The following ARSD variants were observed in gnomAD, a reference collection of about 807,000 sequenced individuals.
The protein encoded by ARSD is arylsulfatase D, also known as testis tissue sperm-binding protein Li 39a.
Under a neutral mutation model 32.6 loss-of-function variants are expected in ARSD, and 21 were observed. The ratio of observed to expected loss-of-function variants is 0.64; its 90% CI spans 0.46 to 0.93. The LOEUF is 0.93. Ranked by LOEUF, ARSD falls within the 40% of genes least tolerant of loss-of-function variation. The pLI, the probability that ARSD is intolerant of heterozygous loss-of-function variation, is 0.00. For missense variants in ARSD, 454 were observed against 520.9 expected (o/e 0.87, Z 1.25); for synonymous variants, 224 against 237.4 (o/e 0.94, Z 0.52).
At position 2,920,727 on chromosome X, in the gene ARSD, T is replaced by G. The variant is rs753019239; in HGVS notation, c.317-4A>C. The stretch of plus-strand genomic sequence containing the variant: ...TATCCATTGCTGGCGTCCATGCCTG[T>G]GGGGCAGAGAAGACAGGAAGAATTT... On this transcript the variant is annotated splice_polypyrimidine_tract_variant and splice_region_variant and intron_variant, in intron 3 of 9. Transcript: ENST00000381154. The G allele has an allele frequency of 8.3e-7, 1 of 1,210,323 alleles. No individual in the cohort carries two copies. The highest frequency in any genetic ancestry group is 2.2e-5 in the Admixed American group (1 of 45,911).
Position 2,925,814 on chromosome X carries a change from G to C in ARSD, c.45-49C>G, listed in dbSNP as rs760166331. On this transcript the variant is annotated intron_variant, in intron 1 of 9. Coordinates refer to ENST00000381154, the MANE Select transcript of ARSD (RefSeq NM_001669.4). ...AAATGACTATCTACAATTTGGCAAG[G>C]GAAGTAGGCATTTCAAGGCAGCTCG... 13 of 1,172,575 alleles carry C rather than the reference G, an allele frequency of 1.1e-5. No homozygotes were observed. In the Admixed American group the frequency reaches 2.9e-4, roughly 26 times the overall value.
In ARSD at chrX:2,918,360, A is replaced by G. The variant is rs144671289; in HGVS notation, c.440-133T>C. 286 of 602,752 alleles carry G rather than the reference A, an allele frequency of 4.7e-4. 2 individuals carry two copies. In the East Asian group the frequency reaches 9.3e-3, roughly 20 times the overall value. The allele number at this position is 602,752 out of a possible 1,213,427, so 49.7% of individuals were successfully genotyped here. On this transcript the variant is annotated intron_variant, in intron 4 of 9. Transcript: ENST00000381154. ...GAGCAAAACTGGAAATGGAAAGGCA[A>G]TGAATGGATTGGATACCTGTGTTTA... is the stretch of plus-strand genomic sequence containing the variant.
intron 1 of ARSD, among the ~76,000 whole-genome samples, chrX:2,928,284 C>G (rs1193136974): frequency 1.5e-5 from 1 of 66,293 alleles, no homozygotes; most frequent in Admixed American, 2.3e-4. Context: ...GAGATGGGGA[C>G]GGGACAGAGA....
At chrX:2,921,283 AT>A (rs2089026103) in intron 3 of ARSD, among the ~76,000 whole-genome samples, 1 of 111,797 alleles carries the variant, frequency 8.9e-6, no homozygotes, top group Non-Finnish European at 1.9e-5. Context: ...CTATGTATCT[AT>A]TATCTGTCAT....
chrX:2,929,169 G>A (rs1225724935), intron 1 of ARSD, 63 bp downstream of exon 1: 9 of 975,194 alleles, frequency 9.2e-6, no homozygotes, highest in Non-Finnish European at 1.2e-5. Context: ...CCGTGCTCGC[G>A]ACCCCCTCCC....
rs1331480162 is a variant in ARSD, at chrX:2,905,740, A to G, written c.*1531T>C. ...ATGCGTCAAAAACCTCAGTCAACAC[A>G]GTAAGTGTTTTCTTGTTTTCCTGCT... On this transcript the variant is annotated 3_prime_UTR_variant, in exon 10 of 10. Coordinates refer to ENST00000381154, the MANE Select transcript of ARSD (RefSeq NM_001669.4). 8.9e-6 allele frequency: 1 copy of G among 112,912 alleles called. No homozygotes were observed. Among genetic ancestry groups the G allele is most frequent in the Non-Finnish European group, 1.9e-5 (1 of 53,342 alleles). 9.3% of individuals were successfully genotyped at this position (112,912 alleles called of 1,213,427 possible). A position where few individuals can be genotyped will look rare whatever the true frequency, so the allele number is the denominator to read the frequency against.
At chrX:2,907,964 C>A in intron 9 of ARSD, 1 of 841,803 alleles carries the variant, frequency 1.2e-6, no homozygotes, top group Non-Finnish European at 1.4e-6. Flanking sequence ...TGAAACTGTT[C>A]AGCGTCGATC....
In ARSD at chrX:2,905,333, C is replaced by G. The variant is rs2088844789; in HGVS notation, c.*1938G>C. The G allele has an allele frequency of 4.7e-6, 1 of 213,445 alleles. No individual in the cohort carries two copies. The highest frequency in any genetic ancestry group is 5.9e-5 in the South Asian group (1 of 16,918). 17.6% of individuals were successfully genotyped at this position (213,445 alleles called of 1,213,427 possible). On this transcript the variant is annotated 3_prime_UTR_variant, in exon 10 of 10. Coordinates refer to ENST00000381154, the MANE Select transcript of ARSD (RefSeq NM_001669.4). ...TTCCCAGTATGCTTCCTGCAAAGACCTCGATAGATGGACTGAGGGGAATAG... is the reference window on the plus strand; with the variant it reads ...TTCCCAGTATGCTTCCTGCAAAGACGTCGATAGATGGACTGAGGGGAATAG...
intron 6 of ARSD, chrX:2,914,218 T>A: frequency 8.0e-6 from 6 of 754,279 alleles, no homozygotes; most frequent in Non-Finnish European, 9.4e-6. Flanking sequence ...TTTCTCCCTA[T>A]TCTTCGTCTT....
In ARSD at chrX:2,907,275, G is replaced by T. The variant is rs1432673682; in HGVS notation, c.1778C>A (p.Pro593His). 8.3e-7 allele frequency: 1 copy of T among 1,204,447 alleles called. No homozygotes were observed. The highest frequency in any genetic ancestry group is 1.1e-6 in the Non-Finnish European group (1 of 890,966). Reference sequence around the variant, plus strand: ...CCTCTCTCACAGTCCTGGCATTCAGGGGGTGCCATCCCCATCCTCGTGGCA... The same window carrying T: ...CCTCTCTCACAGTCCTGGCATTCAGTGGGTGCCATCCCCATCCTCGTGGCA... ...CSCHEDGDGTP is the reference protein window; with the variant it reads ...CSCHEDGDGTH The change falls in exon 10 of 10, where the codon CCC becomes CAC. Residue 593 changes from proline to histidine, a missense_variant. By Grantham distance (77) the Pro-to-His change is moderately conservative. Transcript: ENST00000381154.
chrX:2,914,424 G>C (rs1273907896), intron 6 of ARSD: 84 of 501,965 alleles, frequency 1.7e-4, no homozygotes, highest in African/African-American at 1.1e-3. Context: ...GAGATGGGGG[G>C]GGGGGGCGTC....
rs1486507531 is a variant in ARSD at position 2,904,932 on chromosome X, G to A, written c.*2339C>T. ...TTTTTTTTTTTTTTAATCATTTTTT[G>A]GTTATGCCAGGTGTCTCCTGTGTGT... On this transcript the variant is annotated 3_prime_UTR_variant, in exon 10 of 10. Transcript: ENST00000381154. 4.5e-6 allele frequency: 1 copy of A among 221,457 alleles called. No individual in the cohort carries two copies. 18.3% of individuals were successfully genotyped at this position (221,457 alleles called of 1,213,427 possible). A position where few individuals can be genotyped will look rare whatever the true frequency, so the allele number is the denominator to read the frequency against.
rs777839228 is a variant in ARSD at position 2,925,099 on chromosome X, G to A, written c.194+517C>T. Among the ~76,000 whole-genome samples the A allele has an allele frequency of 7.1e-5, 8 of 112,507 alleles. No homozygotes were observed. The East Asian group carries it at 1.1e-3, about 16-fold the overall frequency. Reference sequence around the variant, plus strand: ...ACAAATTTGGAGGAGGCCAGAATTTGGCCCACAACAGACGTTGTTTGCAAA... The same window carrying A: ...ACAAATTTGGAGGAGGCCAGAATTTAGCCCACAACAGACGTTGTTTGCAAA... On this transcript the variant is annotated intron_variant, in intron 2 of 9. Transcript: ENST00000381154.
chrX:2,925,666 C>G lies in ARSD; in HGVS notation c.144G>C (p.Ala48=). Residue 48 remains alanine, a synonymous_variant, in exon 2 of 10, where the codon GCG becomes GCC. Coordinates refer to ENST00000381154, the MANE Select transcript of ARSD (RefSeq NM_001669.4). ...AFKPNILLIM[A]DDLGTGDLGC... ...CGAGATCCCCAGTGCCTAGATCATC[C>G]GCCATGATCAGTAGGATATTTGGTT... The G allele has an allele frequency of 8.3e-7, 1 of 1,209,625 alleles. No homozygotes were observed. The highest frequency in any genetic ancestry group is 1.1e-6 in the Non-Finnish European group (1 of 894,177).
At chrX:2,912,010 C>G (rs2088906568) in intron 6 of ARSD, among the ~76,000 whole-genome samples, 1 of 111,899 alleles carries the variant, frequency 8.9e-6, no homozygotes, top group Non-Finnish European at 1.9e-5. Flanking sequence ...GTGGCACATG[C>G]TTGTATGTAG....
chrX:2,907,607 G>T lies in ARSD; in HGVS notation c.1446C>A (p.Tyr482Ter). ...KDSGSVWKVHYTTPQFHPEGA... is the reference protein window; with the variant it reads ...KDSGSVWKVH Reference sequence around the variant, plus strand: ...CCTCGGGGTGGAACTGCGGGGTCGTGTAATGAACCTTCCAGACGCTTCCAC... The same window carrying T: ...CCTCGGGGTGGAACTGCGGGGTCGTTTAATGAACCTTCCAGACGCTTCCAC... Residue 482 changes from tyrosine to a stop codon, truncating the protein, a stop_gained, in exon 10 of 10, where the codon TAC becomes TAA. Transcript: ENST00000381154. LOFTEE classifies it low-confidence loss of function (END_TRUNC). 1 of 1,111,473 alleles carries T rather than the reference G, an allele frequency of 9.0e-7. No homozygotes were observed. Among genetic ancestry groups the T allele is most frequent in the Non-Finnish European group, 1.2e-6 (1 of 846,131 alleles). 91.6% of individuals were successfully genotyped at this position (1,111,473 alleles called of 1,213,427 possible). A position where few individuals can be genotyped will look rare whatever the true frequency, so the allele number is the denominator to read the frequency against.
chrX:2,914,427 G>A, intron 6 of ARSD: 1 of 497,660 alleles, frequency 2.0e-6, no homozygotes, highest in Non-Finnish European at 2.6e-6. Context: ...ATGGGGGGGG[G>A]GGGCGTCTCA....
intron 8 of ARSD, among the ~76,000 whole-genome samples, chrX:2,909,544 G>T (rs1310664154): frequency 1.8e-5 from 2 of 109,109 alleles, no homozygotes; most frequent in Non-Finnish European, 3.8e-5. Context: ...GGGTAAAGGA[G>T]ATGGTGGCGC....
chrX:2,924,404 C>T (rs775235233), intron 2 of ARSD, among the ~76,000 whole-genome samples: 134 of 113,697 alleles, frequency 1.2e-3, no homozygotes, highest in African/African-American at 3.9e-3. Context: ...CTGCGGGGAC[C>T]GCTCCTGAGG....
Sources: gnomAD v4.1 joint callset for allele counts (sites outside exome capture counted in the v4.1 genomes callset) on GRCh38, gnomAD v4.1.1 for gene constraint, MANE v1.5 for transcripts, NCBI Gene and HGNC (gene_info 2026-07-23, HGNC 2026-07-21) for gene names.